Variants in C8orf34 observed in about 807,000 individuals in gnomAD.
The protein encoded by C8orf34 is chromosome 8 open reading frame 34, also known as uncharacterized protein C8orf34.
A neutral mutation model predicts 68.3 loss-of-function variants in C8orf34; 65 were observed. The observed-to-expected ratio is 0.95, with a 90% CI of 0.78 to 1.17. The LOEUF (loss-of-function observed/expected upper bound fraction) is 1.17, where lower values mean the gene tolerates loss of function less well. C8orf34 is among the 50% of genes most tolerant of loss of function. C8orf34 has a pLI of 0.00. For synonymous variants in C8orf34, 244 were observed against 241.2 expected, an observed-to-expected ratio of 1.01 and a Z score of -0.11; for missense variants, 664 against 655.4, an observed-to-expected ratio of 1.01 and a Z score of -0.14.
chr8:68,565,007 C>A (rs1816542693), intron 7 of C8orf34, among the ~76,000 whole-genome samples: 1 of 152,138 alleles, frequency 6.6e-6, no homozygotes, highest in South Asian at 2.1e-4. Context: ...AGAATTATTC[C>A]CATAAAAATA....
intron 6 of C8orf34, among the ~76,000 whole-genome samples, chr8:68,526,450 A>T (rs1007311236): frequency 3.3e-5 from 5 of 152,190 alleles, no homozygotes; most frequent in African/African-American, 1.2e-4. Context: ...GAATTGCTTA[A>T]AAGTGGAGGA....
chr8:68,780,382 G>A (rs907840690), intron 11 of C8orf34, among the ~76,000 whole-genome samples: 5 of 152,146 alleles, frequency 3.3e-5, no homozygotes, highest in Non-Finnish European at 4.4e-5. Context: ...CAAGTGGAAT[G>A]AGTTGGAAAA....
intron 7 of C8orf34, among the ~76,000 whole-genome samples, chr8:68,590,132 G>A (rs1817343073): frequency 6.9e-6 from 1 of 144,454 alleles, no homozygotes; most frequent in South Asian, 2.3e-4. Flanking sequence ...GAAGAGAAAG[G>A]AAGGAAGGAA....
At chr8:68,417,480 C>T (rs916724087) in intron 1 of C8orf34, among the ~76,000 whole-genome samples, 1 of 151,750 alleles carries the variant, frequency 6.6e-6, no homozygotes, top group African/African-American at 2.4e-5. Flanking sequence ...CACTGTATGT[C>T]CTGATATAAA....
At chr8:68,589,440 AG>A (rs1817302978) in intron 7 of C8orf34, among the ~76,000 whole-genome samples, 1 of 128,768 alleles carries the variant, frequency 7.8e-6, no homozygotes, top group African/African-American at 2.9e-5. Flanking sequence ...AAAAGAAGGA[AG>A]GGGGAAAGAA....
chr8:68,473,159 G>A lies in C8orf34; in HGVS notation c.736+4339G>A, dbSNP rs190440178. On this transcript the variant is annotated intron_variant, in intron 4 of 13. Coordinates refer to ENST00000518698, the MANE Select transcript of C8orf34 (RefSeq NM_052958.4). ...CAGACACAACAAGAAGTGGGTTTAGGAGTGGAGATTTAACAGGCAAAAGAA... is the reference window on the plus strand; with the variant it reads ...CAGACACAACAAGAAGTGGGTTTAGAAGTGGAGATTTAACAGGCAAAAGAA... Among the ~76,000 whole-genome samples, 4 of 152,262 alleles carry A rather than the reference G, an allele frequency of 2.6e-5. No individual in the cohort carries two copies. In the East Asian group the frequency reaches 7.7e-4, roughly 29 times the overall value.
At chr8:68,742,492 A>C (rs1487603145) in intron 10 of C8orf34, among the ~76,000 whole-genome samples, 2 of 152,208 alleles carry the variant, frequency 1.3e-5, no homozygotes, top group African/African-American at 2.4e-5. Flanking sequence ...ATCCAGTCTC[A>C]GAAGAGGTTT....
intron 1 of C8orf34, among the ~76,000 whole-genome samples, chr8:68,430,097 G>A (rs1388393891): frequency 6.6e-6 from 1 of 152,130 alleles, no homozygotes; most frequent in African/African-American, 2.4e-5. Flanking sequence ...TAAGATGGGA[G>A]AGAGGCTGGA....
intron 7 of C8orf34, among the ~76,000 whole-genome samples, chr8:68,635,494 C>T (rs112742860): frequency 0.012 from 1,865 of 152,218 alleles, 13 homozygotes; most frequent in Non-Finnish European, 0.02. Context: ...AACAAAATGG[C>T]CCCCAAAAGG....
At chr8:68,428,696 G>T (rs909227890) in intron 1 of C8orf34, among the ~76,000 whole-genome samples, 3 of 152,206 alleles carry the variant, frequency 2.0e-5, no homozygotes, top group Admixed American at 2.0e-4. Flanking sequence ...CAAGGTACCA[G>T]AATTCATTGT....
At chr8:68,532,211 A>G (rs774596655) in intron 6 of C8orf34, among the ~76,000 whole-genome samples, 1 of 152,180 alleles carries the variant, frequency 6.6e-6, no homozygotes, top group Non-Finnish European at 1.5e-5. Context: ...GGGTATATAC[A>G]ATGGACTATC....
chr8:68,332,465 G>GGA (rs1805666357), intron 1 of C8orf34, among the ~76,000 whole-genome samples: 1 of 145,878 alleles, frequency 6.9e-6, no homozygotes, highest in South Asian at 2.2e-4. Context: ...ATGGGGAGGA[G>GGA]GTTACGTGTC....
chr8:68,421,702 A>G (rs1809980324), intron 1 of C8orf34, among the ~76,000 whole-genome samples: 1 of 152,248 alleles, frequency 6.6e-6, no homozygotes, highest in African/African-American at 2.4e-5. Flanking sequence ...ATAGGGCACC[A>G]GCAGGAAGTC....
chr8:68,572,040 C>T (rs764223126), intron 7 of C8orf34, among the ~76,000 whole-genome samples: 1 of 152,096 alleles, frequency 6.6e-6, no homozygotes, highest in Non-Finnish European at 1.5e-5. Flanking sequence ...AGGCTACAGA[C>T]TTGCATAGCA....
intron 7 of C8orf34, among the ~76,000 whole-genome samples, chr8:68,594,495 T>G (rs997090180): frequency 1.3e-5 from 2 of 152,148 alleles, no homozygotes; most frequent in Non-Finnish European, 2.9e-5. Context: ...ATTTGTTACA[T>G]GCATATATTA....
At chr8:68,788,113 C>CT (rs1823895523) in intron 12 of C8orf34, among the ~76,000 whole-genome samples, 1 of 152,132 alleles carries the variant, frequency 6.6e-6, no homozygotes, top group South Asian at 2.1e-4. Context: ...AATTGTAAGA[C>CT]ATATGGGCCC....
chr8:68,417,823 C>T (rs947030251), intron 1 of C8orf34, among the ~76,000 whole-genome samples: 29 of 151,968 alleles, frequency 1.9e-4, no homozygotes, highest in Non-Finnish European at 8.8e-5. Flanking sequence ...TTTTCCAATT[C>T]TGTGAAGAAA....
intron 10 of C8orf34, among the ~76,000 whole-genome samples, chr8:68,754,725 A>T (rs2129527752): frequency 6.6e-6 from 1 of 152,332 alleles, no homozygotes; most frequent in East Asian, 1.9e-4. Flanking sequence ...ACTTTATAAA[A>T]CTTTGAAGGT....
chr8:68,739,370 G>C (rs191050696), intron 10 of C8orf34, among the ~76,000 whole-genome samples: 122 of 152,064 alleles, frequency 8.0e-4, no homozygotes, highest in Non-Finnish European at 1.5e-3. Context: ...AGCTCCTTCA[G>C]CTGAGAAACA....
Sources: gnomAD v4.1 joint callset for allele counts (sites outside exome capture counted in the v4.1 genomes callset) on GRCh38, gnomAD v4.1.1 for gene constraint, MANE v1.5 for transcripts, NCBI Gene and HGNC (gene_info 2026-07-23, HGNC 2026-07-21) for gene names.